Variants in TMT1A observed in about 807,000 individuals in gnomAD.
TMT1A encodes thiol methyltransferase 1A.
chr12:50,927,090 G>A, the TMT1A span, among the ~76,000 whole-genome samples: 1 of 152,156 alleles, frequency 6.6e-6, no homozygotes, highest in African/African-American at 2.4e-5. Context: ...CATGATCACA[G>A]CTCACTGCAG....
the TMT1A span, among the ~76,000 whole-genome samples, chr12:50,926,745 C>CAT: frequency 1.3e-5 from 2 of 152,150 alleles, no homozygotes; most frequent in East Asian, 3.9e-4. Context: ...AGAGGAGATA[C>CAT]ATATATGTGT....
chr12:50,928,053 G>A, the TMT1A span, among the ~76,000 whole-genome samples: 1 of 152,136 alleles, frequency 6.6e-6, no homozygotes, highest in Non-Finnish European at 1.5e-5. Flanking sequence ...TCCAACTTCT[G>A]GCCTCAAGTG....
chr12:50,925,337 A>T, the TMT1A span: 20 of 1,614,180 alleles, frequency 1.2e-5, no homozygotes, highest in African/African-American at 2.5e-4. Flanking sequence ...ATTGACCCCA[A>T]CCCCAACTTT....
chr12:50,926,016 CAAAAAAAAA>C, the TMT1A span, among the ~76,000 whole-genome samples: 2 of 26,064 alleles, frequency 7.7e-5, no homozygotes, highest in African/African-American at 1.7e-4. Context: ...AACTCCATCT[CAAAAAAAAA>C]AAAAAAAAAA....
the TMT1A span, among the ~76,000 whole-genome samples, chr12:50,926,625 G>C: frequency 6.6e-6 from 1 of 152,160 alleles, no homozygotes; most frequent in East Asian, 1.9e-4. Context: ...TATCTGTGCT[G>C]ATACTTAAAA....
chr12:50,928,708 C>A, the TMT1A span, among the ~76,000 whole-genome samples: 22 of 152,246 alleles, frequency 1.4e-4, no homozygotes, highest in Non-Finnish European at 2.6e-4. Flanking sequence ...TATACACTCC[C>A]CAGCAATCTC....
the TMT1A span, chr12:50,925,641 T>C: frequency 1.6e-6 from 2 of 1,261,712 alleles, no homozygotes; most frequent in Non-Finnish European, 2.1e-6. Flanking sequence ...AAAAGTAAAC[T>C]ACTAGAAAAT....
chr12:50,925,245 C>A, the TMT1A span: 2 of 1,614,204 alleles, frequency 1.2e-6, no homozygotes, highest in Non-Finnish European at 1.7e-6. Context: ...CGGGCCCCTC[C>A]GGGAAACTCT....
At chr12:50,931,814 C>T in the TMT1A span, 24 of 151,866 alleles carry the variant, frequency 1.6e-4, no homozygotes, top group Non-Finnish European at 1.5e-5. Flanking sequence ...ATTCTCCCAC[C>T]TTGACCTCCT....
the TMT1A span, chr12:50,925,052 T>C: frequency 6.2e-7 from 1 of 1,614,142 alleles, no homozygotes. Flanking sequence ...GAGCTTACCA[T>C]CTTTATCCTG....
chr12:50,930,273 G>GTT, the TMT1A span: 4 of 688,396 alleles, frequency 5.8e-6, no homozygotes, highest in South Asian at 2.7e-5. Context: ...GTTTGTTGTT[G>GTT]GTTTTTTTTT....
chr12:50,928,351 G>A, the TMT1A span, among the ~76,000 whole-genome samples: 1 of 152,210 alleles, frequency 6.6e-6, no homozygotes, highest in Non-Finnish European at 1.5e-5. Flanking sequence ...ACATGGAAGA[G>A]TGAGTGGAGT....
chr12:50,926,443 C>G, the TMT1A span, among the ~76,000 whole-genome samples: 1 of 152,168 alleles, frequency 6.6e-6, no homozygotes, highest in Non-Finnish European at 1.5e-5. Context: ...TTAAACCACA[C>G]ATACTCTTTT....
chr12:50,929,933 T>C, the TMT1A span: 1 of 1,612,678 alleles, frequency 6.2e-7, no homozygotes, highest in Non-Finnish European at 8.5e-7. Flanking sequence ...TTCTATTTCA[T>C]GGAGCATGTG....
the TMT1A span, among the ~76,000 whole-genome samples, chr12:50,927,194 G>C: frequency 6.6e-6 from 1 of 151,990 alleles, no homozygotes; most frequent in Non-Finnish European, 1.5e-5. Context: ...CACCCAGCTA[G>C]TTTTTGTATT....
the TMT1A span, among the ~76,000 whole-genome samples, chr12:50,926,033 A>AG: frequency 1.3e-5 from 2 of 148,594 alleles, no homozygotes; most frequent in Non-Finnish European, 3.0e-5. Flanking sequence ...AAAAAAAAAA[A>AG]AAAAAAGAAA....
At chr12:50,925,447 T>C in the TMT1A span, 2 of 1,614,070 alleles carry the variant, frequency 1.2e-6, no homozygotes, top group Non-Finnish European at 1.7e-6. Flanking sequence ...GGCTGATGGC[T>C]CTGTGGATGT....
At chr12:50,929,871 TG>T in the TMT1A span, 1 of 1,535,770 alleles carries the variant, frequency 6.5e-7, no homozygotes, top group Non-Finnish European at 8.8e-7. Flanking sequence ...AAAGCAGAAA[TG>T]AAAAAATCCT....
the TMT1A span, among the ~76,000 whole-genome samples, chr12:50,927,131 C>T: frequency 6.6e-6 from 1 of 152,042 alleles, no homozygotes; most frequent in Non-Finnish European, 1.5e-5. Context: ...GCAATCTTTC[C>T]GTCTCAGCCT....
Sources: gnomAD v4.1 joint callset for allele counts (sites outside exome capture counted in the v4.1 genomes callset) on GRCh38, gnomAD v4.1.1 for gene constraint, MANE v1.5 for transcripts, NCBI Gene and HGNC (gene_info 2026-07-23, HGNC 2026-07-21) for gene names.